TNNI3K: variants seen among roughly 807,000 people sequenced by gnomAD.
TNNI3K encodes the protein serine/threonine-protein kinase TNNI3K.
Under a neutral mutation model 114.5 loss-of-function variants are expected in TNNI3K, and 140 were observed. That is an observed-to-expected ratio of 1.22 (90% CI 1.07 to 1.41). TNNI3K has a LOEUF of 1.41. Among genes scored for constraint, TNNI3K ranks in the 40% most tolerant of loss-of-function variants. TNNI3K has a pLI of 0.00. For missense variants in TNNI3K, 1,125 were observed against 1,007.6 expected, an observed-to-expected ratio of 1.12 and a Z score of -1.58; for synonymous variants, 347 against 347.5, an observed-to-expected ratio of 1.00 and a Z score of 0.02.
intron 21 of TNNI3K, chr1:74,472,192 C>G (rs1382562280): frequency 1.4e-6 from 1 of 716,738 alleles, no homozygotes; most frequent in Non-Finnish European, 2.6e-6. Flanking sequence ...AAATATGTCA[C>G]TGCTGATATC....
chr1:74,449,510 A>G (rs1217108503), intron 20 of TNNI3K, among the ~76,000 whole-genome samples: 1 of 152,096 alleles, frequency 6.6e-6, no homozygotes, highest in East Asian at 1.9e-4. Context: ...CAGGAAACCC[A>G]TCTCACGTGC....
chr1:74,322,676 G>T (rs975803548), intron 5 of TNNI3K, among the ~76,000 whole-genome samples: 1 of 151,942 alleles, frequency 6.6e-6, no homozygotes, highest in African/African-American at 2.4e-5. Flanking sequence ...GTCCAGGCTG[G>T]TCTAAAACTC....
chr1:74,505,516 C>G (rs1669848028), intron 23 of TNNI3K, among the ~76,000 whole-genome samples: 1 of 152,202 alleles, frequency 6.6e-6, no homozygotes, highest in African/African-American at 2.4e-5. Flanking sequence ...CTTACAATGG[C>G]TCTGAACAGT....
chr1:74,373,629 T>C (rs1662725873), intron 17 of TNNI3K: 1 of 151,928 alleles, frequency 6.6e-6, no homozygotes, highest in Non-Finnish European at 1.5e-5. Flanking sequence ...TGTGGATTTC[T>C]ATGAGTGTCA....
intron 23 of TNNI3K, among the ~76,000 whole-genome samples, chr1:74,502,596 G>A (rs1408805991): frequency 2.0e-5 from 3 of 152,252 alleles, no homozygotes; most frequent in East Asian, 3.9e-4. Flanking sequence ...GAATCAGCAG[G>A]GAGCTATCCA....
intron 4 of TNNI3K, among the ~76,000 whole-genome samples, chr1:74,258,881 C>T (rs1407985114): frequency 6.6e-6 from 1 of 152,166 alleles, no homozygotes; most frequent in Admixed American, 6.5e-5. Context: ...TAAATTGGTA[C>T]ATCTAGGGTA....
At chr1:74,538,806 T>C (rs1268472628) in intron 23 of TNNI3K, among the ~76,000 whole-genome samples, 1 of 152,082 alleles carries the variant, frequency 6.6e-6, no homozygotes, top group East Asian at 1.9e-4. Flanking sequence ...AAGCTCTGAA[T>C]TGGGAAAGAG....
chr1:74,471,491 T>A (rs938998899), intron 21 of TNNI3K: 1 of 400,526 alleles, frequency 2.5e-6, no homozygotes, highest in African/African-American at 2.1e-5. Flanking sequence ...CCTTTAATTT[T>A]CCCTTTGAGG....
chr1:74,326,530 G>A (rs1157749828), intron 5 of TNNI3K, among the ~76,000 whole-genome samples: 3 of 152,036 alleles, frequency 2.0e-5, no homozygotes, highest in East Asian at 3.9e-4. Context: ...AAATTTCAGG[G>A]CCTCAGGTGA....
At chr1:74,325,546 T>C (rs1280839484) in intron 5 of TNNI3K, among the ~76,000 whole-genome samples, 1 of 152,028 alleles carries the variant, frequency 6.6e-6, no homozygotes, top group African/African-American at 2.4e-5. Context: ...TGAGAAAACG[T>C]AAAATTATAA....
At chr1:74,501,734 A>C (rs1255963265) in intron 23 of TNNI3K, among the ~76,000 whole-genome samples, 3 of 151,900 alleles carry the variant, frequency 2.0e-5, no homozygotes, top group Admixed American at 6.6e-5. Context: ...TGATCTGTCC[A>C]CCTCGGCCTC....
intron 6 of TNNI3K, among the ~76,000 whole-genome samples, chr1:74,333,164 A>T (rs894019373): frequency 6.6e-6 from 1 of 152,166 alleles, no homozygotes; most frequent in Admixed American, 6.5e-5. Context: ...TGAAGATCAA[A>T]CTTACTTGTG....
chr1:74,287,099 A>G (rs926604732), intron 5 of TNNI3K, among the ~76,000 whole-genome samples: 2 of 151,874 alleles, frequency 1.3e-5, no homozygotes, highest in Admixed American at 6.6e-5. Flanking sequence ...TTGATCAAGC[A>G]GAAGAGAGAA....
chr1:74,294,579 C>T (rs1657868654), intron 5 of TNNI3K, among the ~76,000 whole-genome samples: 1 of 151,942 alleles, frequency 6.6e-6, no homozygotes, highest in Non-Finnish European at 1.5e-5. Context: ...TTTTTGAGAG[C>T]TGAAGGAAAA....
intron 17 of TNNI3K, among the ~76,000 whole-genome samples, chr1:74,415,553 C>A (rs1665075734): frequency 6.6e-6 from 1 of 151,960 alleles, no homozygotes; most frequent in South Asian, 2.1e-4. Flanking sequence ...AAAAATCTTT[C>A]TGTAAAAATC....
chr1:74,446,281 T>G (rs1249626779), intron 20 of TNNI3K, among the ~76,000 whole-genome samples: 3 of 149,606 alleles, frequency 2.0e-5, no homozygotes, highest in African/African-American at 7.4e-5. Flanking sequence ...TGCATTTCTC[T>G]GATGGCCAGT....
intron 7 of TNNI3K, among the ~76,000 whole-genome samples, chr1:74,339,361 CA>C (rs2100435195): frequency 6.6e-6 from 1 of 152,090 alleles, no homozygotes; most frequent in African/African-American, 2.4e-5. Context: ...GTACTTCAAC[CA>C]ATTGCAAAAA....
chr1:74,367,376 A>G (rs199605448), intron 12 of TNNI3K, 34 bp downstream of exon 12: 9 of 1,606,122 alleles, frequency 5.6e-6, no homozygotes, highest in South Asian at 4.4e-5. Flanking sequence ...TCATTATTGT[A>G]TAATATATTG....
chr1:74,284,971 G>A (rs1287179125), intron 5 of TNNI3K, among the ~76,000 whole-genome samples: 1 of 152,232 alleles, frequency 6.6e-6, no homozygotes, highest in Admixed American at 6.5e-5. Context: ...AGCTATTCAG[G>A]AGACTTGAGA....
Sources: gnomAD v4.1 joint callset for allele counts (sites outside exome capture counted in the v4.1 genomes callset) on GRCh38, gnomAD v4.1.1 for gene constraint, MANE v1.5 for transcripts, NCBI Gene and HGNC (gene_info 2026-07-23, HGNC 2026-07-21) for gene names.